SP6: variants seen among roughly 807,000 people sequenced by gnomAD.
SP6 encodes transcription factor Sp6.
In SP6, 10 loss-of-function variants were observed where a neutral mutation model predicts 23.4. That is an observed-to-expected ratio of 0.43 (90% CI 0.26 to 0.72). The LOEUF is 0.72. Among genes scored for constraint, SP6 ranks in the 30% least tolerant of loss-of-function variants. SP6 has a pLI of 0.23. For synonymous variants in SP6, 238 were observed against 238.7 expected (o/e 1.00, Z 0.03); for missense variants, 482 against 523.8 (o/e 0.92, Z 0.78).
chr17:47,872,184 G>A, the SP6 span, among the ~76,000 whole-genome samples: 11 of 152,342 alleles, frequency 7.2e-5, no homozygotes, highest in Non-Finnish European at 1.2e-4. Flanking sequence ...CCCAACAGGT[G>A]CAACCCCTGT....
At chr17:47,850,783 C>T (rs560527466) in intron 1 of SP6, 136 bp downstream of exon 1, 1 of 152,508 alleles carries the variant, frequency 6.6e-6, no homozygotes, top group Admixed American at 6.5e-5. Flanking sequence ...TTCCCTCCAT[C>T]GGGGTTCTAA....
Position 47,847,611 on chromosome 17 carries a change from C to G in SP6, c.819G>C (p.Ala273=), listed in dbSNP as rs780759322. ...GGTCGCCGCTGTGCCAGCGCAGGTG[C>G]GCCTTCAGGTGCGACGTCTTGGCGT... is the stretch of plus-strand genomic sequence containing the variant. ...KAYAKTSHLK[A]HLRWHSGDRP... The change falls in exon 2 of 2, where the codon GCG becomes GCC. Residue 273 remains alanine, a synonymous_variant. Coordinates refer to ENST00000536300, the MANE Select transcript of SP6 (RefSeq NM_001258248.2). The G allele has an allele frequency of 6.2e-7, 1 of 1,613,580 alleles. No individual in the cohort carries two copies. Among genetic ancestry groups the G allele is most frequent in the Non-Finnish European group, 8.5e-7 (1 of 1,179,942 alleles).
Position 47,848,163 on chromosome 17 carries a change from C to T in SP6, c.267G>A (p.Pro89=), listed in dbSNP as rs2033915420. The change falls in exon 2 of 2, where the codon CCG becomes CCA. Residue 89 remains proline, a synonymous_variant. Coordinates refer to ENST00000536300, the MANE Select transcript of SP6 (RefSeq NM_001258248.2). The surrounding 1 kb of genome is among the most constrained non-coding windows in gnomAD (Gnocchi z 5.3). ...GCTGCAGGAGCTTGGAAAAGGGGCC[C>T]GGGGCCAAGGGACTGTCGCTTTCCA... ...EDLESDSPLA[P]GPFSKLLQPD... 1 of 1,613,244 alleles carries T rather than the reference C, an allele frequency of 6.2e-7. No homozygotes were observed. Among genetic ancestry groups the T allele is most frequent in the Non-Finnish European group, 8.5e-7 (1 of 1,180,004 alleles).
At chr17:47,872,412 C>T in the SP6 span, among the ~76,000 whole-genome samples, 1 of 152,178 alleles carries the variant, frequency 6.6e-6, no homozygotes, top group African/African-American at 2.4e-5. Flanking sequence ...GTTTGGGACC[C>T]GGGAGGGGAG....
upstream of SP6, among the ~76,000 whole-genome samples, chr17:47,856,231 C>T (rs917797395): frequency 6.6e-6 from 1 of 152,208 alleles, no homozygotes; most frequent in African/African-American, 2.4e-5. Flanking sequence ...TTCTCTCGCT[C>T]CCTTTTCATC....
At chr17:47,872,226 G>A in the SP6 span, among the ~76,000 whole-genome samples, 1 of 152,206 alleles carries the variant, frequency 6.6e-6, no homozygotes, top group Admixed American at 6.5e-5. Context: ...CGCGTGCCCA[G>A]AGCCCAATCC....
At chr17:47,849,356 G>A (rs777183465) in intron 1 of SP6, among the ~76,000 whole-genome samples, 6 of 152,224 alleles carry the variant, frequency 3.9e-5, no homozygotes, top group Non-Finnish European at 5.9e-5. Context: ...TTGACAGCAA[G>A]CTCTGGAAGA....
the SP6 span, among the ~76,000 whole-genome samples, chr17:47,874,244 A>T: frequency 1.3e-5 from 2 of 151,950 alleles, no homozygotes; most frequent in African/African-American, 4.8e-5. Flanking sequence ...GCACCACCAC[A>T]CCTGGCTAAT....
chr17:47,868,494 G>A, the SP6 span, among the ~76,000 whole-genome samples: 5 of 152,164 alleles, frequency 3.3e-5, no homozygotes, highest in Admixed American at 2.0e-4. Flanking sequence ...ACTTTCATAC[G>A]TGGGCAGCCA....
chr17:47,857,529 C>T (rs1413453145), upstream of SP6, among the ~76,000 whole-genome samples: 1 of 152,002 alleles, frequency 6.6e-6, no homozygotes, highest in Non-Finnish European at 1.5e-5. Flanking sequence ...GGAAAAAGAC[C>T]CAGCCCTCAA....
At chr17:47,869,295 G>A in the SP6 span, among the ~76,000 whole-genome samples, 1 of 152,220 alleles carries the variant, frequency 6.6e-6, no homozygotes, top group African/African-American at 2.4e-5. Flanking sequence ...ACCCCGCCCA[G>A]GTTGGGGACT....
chr17:47,859,246 T>C (rs2034019448), upstream of SP6, among the ~76,000 whole-genome samples: 2 of 152,296 alleles, frequency 1.3e-5, no homozygotes, highest in Middle Eastern at 3.4e-3. Flanking sequence ...GGATTTAATG[T>C]TCACCAAACA....
upstream of SP6, among the ~76,000 whole-genome samples, chr17:47,852,246 G>GC (rs1325438041): frequency 6.6e-6 from 1 of 152,068 alleles, no homozygotes; most frequent in African/African-American, 2.4e-5. Flanking sequence ...AAATTTCAGC[G>GC]CGCTCGCGGA....
intron 1 of SP6, among the ~76,000 whole-genome samples, chr17:47,849,481 C>T (rs1050050732): frequency 1.3e-5 from 2 of 152,130 alleles, no homozygotes; most frequent in East Asian, 3.9e-4. Context: ...ATGACATAAG[C>T]AAGTGCATCC....
chr17:47,866,568 T>C, the SP6 span, among the ~76,000 whole-genome samples: 1 of 152,132 alleles, frequency 6.6e-6, no homozygotes, highest in Non-Finnish European at 1.5e-5. Flanking sequence ...AGGGTGAATG[T>C]AGAAATGTTT....
the SP6 span, among the ~76,000 whole-genome samples, chr17:47,861,205 C>A: frequency 2.6e-5 from 4 of 151,998 alleles, no homozygotes; most frequent in Non-Finnish European, 4.4e-5. Context: ...CAGGTGCTGG[C>A]GAGCCTGGTG....
At chr17:47,872,562 C>T in the SP6 span, among the ~76,000 whole-genome samples, 1 of 152,146 alleles carries the variant, frequency 6.6e-6, no homozygotes, top group African/African-American at 2.4e-5. Flanking sequence ...CGCCACAGCA[C>T]GTCCCCACAA....
chr17:47,847,230 G>A lies in SP6; in HGVS notation c.*69C>T, dbSNP rs1042230018. On this transcript the variant is annotated 3_prime_UTR_variant, in exon 2 of 2. Coordinates refer to ENST00000536300, the MANE Select transcript of SP6 (RefSeq NM_001258248.2). ...CCCCTCTTCCTCAAGCCACCCCCAA[G>A]GACGTCAGACCTGGGGGCTCGCATC... is the stretch of plus-strand genomic sequence containing the variant. 7.1e-6 allele frequency: 10 copies of A among 1,416,012 alleles called. No individual in the cohort carries two copies. In the African/African-American group the frequency reaches 1.3e-4, roughly 18 times the overall value. The allele number at this position is 1,416,012 out of a possible 1,614,324, so 87.7% of individuals were successfully genotyped here.
At chr17:47,864,837 T>C in the SP6 span, 1 of 152,890 alleles carries the variant, frequency 6.5e-6, no homozygotes, top group Non-Finnish European at 1.5e-5. Flanking sequence ...GCCCCCGCCC[T>C]CCTCCTCTCT....
Sources: gnomAD v4.1 joint callset for allele counts (sites outside exome capture counted in the v4.1 genomes callset) on GRCh38, gnomAD v4.1.1 for gene constraint, Gnocchi (gnomAD v3.1) non-coding constraint, MANE v1.5 for transcripts, NCBI Gene and HGNC (gene_info 2026-07-23, HGNC 2026-07-21) for gene names.